The following NID1 variants were observed in gnomAD, a reference collection of about 807,000 sequenced individuals.
The protein encoded by NID1 is nidogen-1.
NID1 carries 76 observed loss-of-function variants against 130.6 expected under a neutral mutation model. That is an observed-to-expected ratio of 0.58 (90% CI 0.48 to 0.70). The LOEUF is 0.70. Ranked by LOEUF, NID1 falls within the 30% of genes least tolerant of loss-of-function variation. NID1 has a pLI of 0.00. For missense variants in NID1, 1,517 were observed against 1,664.8 expected (o/e 0.91, Z 1.54); for synonymous variants, 665 against 675.1 (o/e 0.98, Z 0.23).
chr1:236,037,981 TG>T (rs1659310571), intron 5 of NID1, 122 bp downstream of exon 5: 1 of 1,143,524 alleles, frequency 8.7e-7, no homozygotes, highest in Non-Finnish European at 1.2e-6. Flanking sequence ...CATGTATGGC[TG>T]CCATAAGAAA....
chr1:236,025,462 A>T (rs562158321), intron 8 of NID1, among the ~76,000 whole-genome samples: 9 of 151,778 alleles, frequency 5.9e-5, no homozygotes, highest in African/African-American at 2.2e-4. Flanking sequence ...GGGTTTCACC[A>T]TGTTGGCCAG....
rs1659132857 is a variant in NID1 at position 236,032,648 on chromosome 1, G to A, written c.1290C>T (p.Ser430=). The stretch of plus-strand genomic sequence containing the variant: ...TCACCTTGCCATTGACTCGCTGGGG[G>A]GAACCTGAGCAAGAAAACAAAGAAA... ...GNGRQCVAEG[S]PQRVNGKVKG... is the part of the protein sequence containing the mutation. The change falls in exon 6 of 20, where the codon TCC becomes TCT. Residue 430 remains serine (S), a synonymous_variant. Transcript: ENST00000264187. 14 of 1,613,818 alleles carry A rather than the reference G, an allele frequency of 8.7e-6. No individual in the cohort carries two copies. The highest frequency in any genetic ancestry group is 1.2e-5 in the Non-Finnish European group (14 of 1,179,980).
Position 235,981,647 on chromosome 1 carries a change from A to G in NID1, c.3191T>C (p.Val1064Ala). Reference protein sequence around the residue: ...QRRVLFETDLVNPRGIVTDSV... With the variant: ...QRRVLFETDLANPRGIVTDSV... ...ATCCGTTACAATGCCTCTGGGATTC[A>G]CCAAGTCAGTCTCAAAGAGCACCCG... The change falls in exon 16 of 20, where the codon GTG (valine) becomes GCG (alanine). Residue 1064 changes from valine (V) to alanine (A), a missense_variant. By Grantham distance (64) the Val-to-Ala change is moderately conservative (BLOSUM62 0). Around this residue, in one of 3 missense-constraint regions of NID1, gnomAD observed 1,329 missense variants for 1,429.2 expected, o/e 0.93. Coordinates refer to ENST00000264187, the MANE Select transcript of NID1 (RefSeq NM_002508.3). 6.2e-7 allele frequency: 1 copy of G among 1,614,096 alleles called. No individual in the cohort carries two copies. Among genetic ancestry groups the G allele is most frequent in the African/African-American group, 1.3e-5 (1 of 75,062 alleles).
chr1:236,057,240 C>G (rs1031477226), intron 1 of NID1, among the ~76,000 whole-genome samples: 1 of 152,080 alleles, frequency 6.6e-6, no homozygotes, highest in Non-Finnish European at 1.5e-5. Flanking sequence ...GCCTGGGAGA[C>G]AGAGAGAGAA....
intron 1 of NID1, among the ~76,000 whole-genome samples, chr1:236,052,372 A>T (rs1396061642): frequency 1.3e-5 from 2 of 152,122 alleles, no homozygotes; most frequent in East Asian, 3.9e-4. Context: ...GGAGGCACAG[A>T]CTCAGGCACA....
At chr1:235,988,132 C>T (rs558752126) in intron 14 of NID1, among the ~76,000 whole-genome samples, 9 of 152,188 alleles carry the variant, frequency 5.9e-5, no homozygotes, top group Admixed American at 1.3e-4. Flanking sequence ...GAAAATATTG[C>T]GAATCATGTA....
Position 235,981,767 on chromosome 1 carries a change from T to C in NID1, c.3071A>G (p.Glu1024Gly). The part of the protein sequence containing the change: ...TIIRQDLGSP[E>G]GIAVDHLGRN... ...GCCAAGGTGATCAACAGCGATACCT[T>C]CTGGACTTCCAAGATCTAGAAGTAA... is the stretch of plus-strand genomic sequence containing the variant. Residue 1024 changes from glutamate (E) to glycine (G), a missense_variant, in exon 16 of 20, where the codon GAA (glutamate) becomes GGA (glycine). Coordinates refer to ENST00000264187, the MANE Select transcript of NID1 (RefSeq NM_002508.3). The C allele has an allele frequency of 3.1e-6, 5 of 1,610,348 alleles. No individual in the cohort carries two copies. Among genetic ancestry groups the C allele is most frequent in the Non-Finnish European group, 4.2e-6 (5 of 1,178,498 alleles).
In NID1 at chr1:236,042,460, T is replaced by C. The variant is rs142657925; in HGVS notation, c.753-168A>G. Among the ~76,000 whole-genome samples, 276 of 152,316 alleles carry C rather than the reference T, an allele frequency of 1.8e-3. 2 individuals are homozygous for C. Among genetic ancestry groups the C allele is most frequent in the African/African-American group, 6.4e-3 (267 of 41,568 alleles). ...CCGTCATGTCTGGGCGTCATGTGGC[T>C]GAGGCAGTCTAGGGCTGTCTGGTGA... is the stretch of plus-strand genomic sequence containing the variant. On this transcript the variant is annotated intron_variant, in intron 3 of 19. Coordinates refer to ENST00000264187, the MANE Select transcript of NID1 (RefSeq NM_002508.3).
At chr1:236,037,861 C>G (rs1659307284) in intron 5 of NID1, among the ~76,000 whole-genome samples, 2 of 152,096 alleles carry the variant, frequency 1.3e-5, no homozygotes, top group Admixed American at 1.3e-4. Flanking sequence ...AGTGACTGTC[C>G]CCTGAGATGG....
At chr1:236,042,841 G>A (rs1017919880) in intron 3 of NID1, among the ~76,000 whole-genome samples, 3 of 152,210 alleles carry the variant, frequency 2.0e-5, no homozygotes, top group Non-Finnish European at 4.4e-5. Context: ...CTCCTAGACA[G>A]TTTCAGGATG....
At chr1:236,016,672 C>T (rs1305319227) in intron 10 of NID1, among the ~76,000 whole-genome samples, 2 of 152,090 alleles carry the variant, frequency 1.3e-5, no homozygotes, top group Non-Finnish European at 2.9e-5. Context: ...TGCTGCTGCT[C>T]GTGGTTGGTA....
chr1:235,990,766 T>G, intron 14 of NID1, 120 bp downstream of exon 14: 1 of 770,138 alleles, frequency 1.3e-6, no homozygotes, highest in Non-Finnish European at 1.8e-6. Context: ...CAGGACTACA[T>G]GGAATGAGCA....
intron 1 of NID1, among the ~76,000 whole-genome samples, chr1:236,049,247 ACTG>A (rs1335743142): frequency 2.0e-5 from 3 of 152,176 alleles, no homozygotes; most frequent in African/African-American, 7.2e-5. Context: ...CCCTACCAGG[ACTG>A]CTAATTGGTG....
At chr1:236,056,059 A>G in intron 1 of NID1, among the ~76,000 whole-genome samples, 1 of 152,290 alleles carries the variant, frequency 6.6e-6, no homozygotes, top group Middle Eastern at 3.4e-3. Flanking sequence ...TCTCTCCAAT[A>G]AACAGTGCTG....
At chr1:236,029,104 G>C (rs1659021022) in intron 7 of NID1, among the ~76,000 whole-genome samples, 1 of 151,970 alleles carries the variant, frequency 6.6e-6, no homozygotes, top group East Asian at 1.9e-4. Context: ...TCAAGCCCAG[G>C]AGGCGGAGGT....
chr1:236,037,841 A>G (rs1290618857), intron 5 of NID1, among the ~76,000 whole-genome samples: 1 of 152,206 alleles, frequency 6.6e-6, no homozygotes, highest in African/African-American at 2.4e-5. Context: ...AGTTGTGAAG[A>G]TGGGCTCCCA....
chr1:236,053,034 T>C (rs746123975), intron 1 of NID1, among the ~76,000 whole-genome samples: 1 of 152,252 alleles, frequency 6.6e-6, no homozygotes, highest in Non-Finnish European at 1.5e-5. Context: ...GGATTTGTGA[T>C]TGTTTGTTTT....
intron 1 of NID1, among the ~76,000 whole-genome samples, chr1:236,064,199 T>C (rs1191845906): frequency 6.6e-6 from 1 of 152,126 alleles, no homozygotes; most frequent in Non-Finnish European, 1.5e-5. Context: ...CAGGGAGCTG[T>C]AGGTCATCTG....
intron 11 of NID1, 39 bp from the exon 12 acceptor site, chr1:236,012,082 C>A: frequency 6.3e-7 from 1 of 1,593,872 alleles, no homozygotes; most frequent in Non-Finnish European, 8.6e-7. Flanking sequence ...AATGAGATTT[C>A]TTCTGGAATT....
Sources: gnomAD v4.1 joint callset for allele counts (sites outside exome capture counted in the v4.1 genomes callset) on GRCh38, gnomAD v4.1.1 for gene constraint, gnomAD v4.1.1 regional missense constraint, MANE v1.5 for transcripts, NCBI Gene and HGNC (gene_info 2026-07-23, HGNC 2026-07-21) for gene names.